The following FHIP2B variants were observed in gnomAD, a reference collection of about 807,000 sequenced individuals.
FHIP2B encodes the protein FHF complex subunit HOOK-interacting protein 2B.
FHIP2B carries 72 observed loss-of-function variants against 84.0 expected under a neutral mutation model. The observed-to-expected ratio is 0.86, with a 90% CI of 0.71 to 1.04. FHIP2B has a LOEUF of 1.04. Among genes scored for constraint, FHIP2B ranks in the 50% least tolerant of loss-of-function variants. The pLI is 0.00. For missense variants in FHIP2B, 972 were observed against 968.9 expected, an observed-to-expected ratio of 1.00 and a Z score of -0.04; for synonymous variants, 497 against 418.7, an observed-to-expected ratio of 1.19 and a Z score of -2.28.
At chr8:22,090,418 G>A (rs1300793428) in intron 1 of FHIP2B, among the ~76,000 whole-genome samples, 1 of 152,166 alleles carries the variant, frequency 6.6e-6, no homozygotes, top group South Asian at 2.1e-4. Context: ...TCCCAGCCCT[G>A]CTGTTGACCC....
At chr8:22,098,816 A>G in intron 7 of FHIP2B, 132 bp from the exon 8 acceptor site, 1 of 959,160 alleles carries the variant, frequency 1.0e-6, no homozygotes, top group South Asian at 1.6e-5. Flanking sequence ...TGTCCATAAA[A>G]CCCCCAAGAT....
chr8:22,102,901 C>A lies in FHIP2B; in HGVS notation c.2202C>A (p.Asn734Lys). The change falls in exon 17 of 17, where the codon AAC becomes AAA. Residue 734 changes from asparagine (N) to lysine (K), a missense_variant. Transcript: ENST00000289921. The part of the protein sequence containing the change: ...VKFPPHDPRQ[N>K]VSPAPEGQV ...TTCCCCCACATGATCCTCGCCAGAA[C>A]GTCTCCCCAGCCCCGGAAGGGCAGG... 6.2e-7 allele frequency: 1 copy of A among 1,613,674 alleles called. No homozygotes were observed. The highest frequency in any genetic ancestry group is 2.2e-5 in the East Asian group (1 of 44,880).
intron 10 of FHIP2B, 192 bp downstream of exon 10, chr8:22,100,085 G>C: frequency 1.8e-6 from 1 of 562,934 alleles, no homozygotes; most frequent in Non-Finnish European, 2.9e-6. Flanking sequence ...TTTTTTTAAA[G>C]AGACAGGGTA....
At chr8:22,097,325 A>G (rs1825825681) in intron 3 of FHIP2B, among the ~76,000 whole-genome samples, 191 bp from the exon 4 acceptor site, 1 of 149,708 alleles carries the variant, frequency 6.7e-6, no homozygotes, top group Non-Finnish European at 1.5e-5. Context: ...TGGCCTCAGT[A>G]CCCCCCAGGC....
At chr8:22,091,036 T>C (rs887486072) in intron 1 of FHIP2B, among the ~76,000 whole-genome samples, 2 of 152,130 alleles carry the variant, frequency 1.3e-5, no homozygotes, top group African/African-American at 4.8e-5. Context: ...GTATTGACCA[T>C]ATAGGCTATG....
At chr8:22,098,751 A>G in intron 7 of FHIP2B, 132 bp downstream of exon 7, 2 of 1,070,804 alleles carry the variant, frequency 1.9e-6, no homozygotes, top group Non-Finnish European at 2.6e-6. Flanking sequence ...CCAAGGCTGC[A>G]GCTGATCCCC....
In FHIP2B at chr8:22,097,853, T is replaced by C; in HGVS notation, c.525+14T>C. 6.2e-7 allele frequency: 1 copy of C among 1,610,882 alleles called. No homozygotes were observed. Among genetic ancestry groups the C allele is most frequent in the Non-Finnish European group, 8.5e-7 (1 of 1,178,154 alleles). ...TACATCCTGGAAGTGAGCACTCTGA[T>C]CGGGAACAGGAGGGGGAGGGCCCAG... is the stretch of plus-strand genomic sequence containing the variant. On this transcript the variant is annotated intron_variant, in intron 5 of 16. Transcript: ENST00000289921.
Position 22,098,960 on chromosome 8 carries a change from C to T in FHIP2B, c.978C>T (p.Ala326=). The change falls in exon 8 of 17, where the codon GCC becomes GCT. Residue 326 remains alanine (A), a synonymous_variant. Transcript: ENST00000289921. The part of the protein sequence containing the change: ...LEGISWRLPS[A]PSDEASFPGK... ...CCTCTTCCTTCAGGTTACCCAGTGC[C>T]CCGTCTGATGAGGCTTCCTTCCCTG... The T allele has an allele frequency of 2.5e-6, 4 of 1,605,160 alleles. No individual in the cohort carries two copies. The highest frequency in any genetic ancestry group is 3.4e-6 in the Non-Finnish European group (4 of 1,175,432).
rs1033446870 is a variant in FHIP2B, at chr8:22,104,197, A to G, written c.*1266A>G. The G allele has an allele frequency of 1.3e-5, 2 of 152,392 alleles. No individual in the cohort carries two copies. Among genetic ancestry groups the G allele is most frequent in the Non-Finnish European group, 2.9e-5 (2 of 68,028 alleles). The allele number at this position is 152,392 out of a possible 1,614,324, so 9.4% of individuals were successfully genotyped here. ...AAGAGCACCGTGCACATGTGGGTGC[A>G]CAAACGTGGGTGTTGGTGTGGACGG... is the stretch of plus-strand genomic sequence containing the variant. On this transcript the variant is annotated 3_prime_UTR_variant, in exon 17 of 17. Transcript: ENST00000289921.
intron 1 of FHIP2B, among the ~76,000 whole-genome samples, chr8:22,093,854 A>G (rs1586317655): frequency 6.6e-6 from 1 of 151,270 alleles, no homozygotes; most frequent in East Asian, 1.9e-4. Flanking sequence ...AGTAGCTGGG[A>G]CTATAGGCAG....
At chr8:22,100,289 G>T in intron 10 of FHIP2B, 1 of 390,506 alleles carries the variant, frequency 2.6e-6, no homozygotes, top group Non-Finnish European at 4.5e-6. Context: ...AGGCTAACAC[G>T]TACTACTTCG....
At position 22,102,856 on chromosome 8, in the gene FHIP2B, T is replaced by A; in HGVS notation, c.2157T>A (p.Ala719=). Residue 719 remains alanine (A), a synonymous_variant, in exon 17 of 17, where the codon GCT becomes GCA. Transcript: ENST00000289921. The part of the protein sequence containing the change: ...VVLEEFCKEL[A]AIAFVKFPPH... Reference sequence around the variant, plus strand: ...TGGAGGAGTTCTGCAAGGAGCTGGCTGCCATTGCCTTCGTCAAGTTTCCCC... The same window carrying A: ...TGGAGGAGTTCTGCAAGGAGCTGGCAGCCATTGCCTTCGTCAAGTTTCCCC... The A allele has an allele frequency of 3.7e-6, 6 of 1,613,738 alleles. No individual in the cohort carries two copies. The highest frequency in any genetic ancestry group is 5.1e-6 in the Non-Finnish European group (6 of 1,179,838).
chr8:22,102,151 G>T, intron 14 of FHIP2B, 24 bp from the exon 15 acceptor site: 10 of 1,613,106 alleles, frequency 6.2e-6, no homozygotes, highest in Non-Finnish European at 8.5e-6. Flanking sequence ...CCAGCCCTCG[G>T]CTCTGTCCAC....
Position 22,096,638 on chromosome 8 carries a change from G to C in FHIP2B, c.297+129G>C. On this transcript the variant is annotated intron_variant, in intron 3 of 16. Transcript: ENST00000289921. ...GGAGACCCTCTGAGTGCTGGGCCAG[G>C]CTGAGGTGGGCGGTGGGCAGTGGGC... 3.8e-6 allele frequency: 5 copies of C among 1,323,830 alleles called. 1 individual carries two copies. The South Asian group carries it at 5.1e-5, about 14-fold the overall frequency. 82.0% of individuals were successfully genotyped at this position (1,323,830 alleles called of 1,614,324 possible).
At chr8:22,101,079 A>G in intron 12 of FHIP2B, 107 bp downstream of exon 12, 1 of 1,404,796 alleles carries the variant, frequency 7.1e-7, no homozygotes. Context: ...GCAGTGGTAC[A>G]ATCTCGGCTC....
chr8:22,104,148 GC>G lies in FHIP2B; in HGVS notation c.*1218del, dbSNP rs1563606585. Reference sequence around the variant, plus strand: ...CTCTGCCTCTCCCACATTCCTCCCCGCGGGGGAGGACCTCGCCGCTCTGAAG... The same window carrying G: ...CTCTGCCTCTCCCACATTCCTCCCCGGGGGGAGGACCTCGCCGCTCTGAAG... On this transcript the variant is annotated 3_prime_UTR_variant, in exon 17 of 17. Coordinates refer to ENST00000289921, the MANE Select transcript of FHIP2B (RefSeq NM_022749.7). The G allele has an allele frequency of 1.3e-5, 2 of 152,372 alleles. No homozygotes were observed. Among genetic ancestry groups the G allele is most frequent in the African/African-American group, 4.8e-5 (2 of 41,432 alleles). 9.4% of individuals were successfully genotyped at this position (152,372 alleles called of 1,614,324 possible).
In FHIP2B at chr8:22,098,945, C is replaced by A; in HGVS notation, c.966-3C>A. The A allele has an allele frequency of 1.9e-6, 3 of 1,598,732 alleles. No homozygotes were observed. The highest frequency in any genetic ancestry group is 2.6e-6 in the Non-Finnish European group (3 of 1,171,458). On this transcript the variant is annotated splice_polypyrimidine_tract_variant and splice_region_variant and intron_variant, in intron 7 of 16. Transcript: ENST00000289921. ...CTGAGACTTCACTCCCCTCTTCCTTCAGGTTACCCAGTGCCCCGTCTGATG... is the reference window on the plus strand; with the variant it reads ...CTGAGACTTCACTCCCCTCTTCCTTAAGGTTACCCAGTGCCCCGTCTGATG...
chr8:22,102,367 C>A, intron 15 of FHIP2B, 52 bp downstream of exon 15: 1 of 1,589,696 alleles, frequency 6.3e-7, no homozygotes, highest in Non-Finnish European at 8.6e-7. Flanking sequence ...GAGGGGACAT[C>A]AGGGAAAGGG....
At chr8:22,098,721 C>G in intron 7 of FHIP2B, 102 bp downstream of exon 7, 5 of 1,233,818 alleles carry the variant, frequency 4.1e-6, no homozygotes, top group Non-Finnish European at 5.5e-6. Context: ...TGCTAGGGAC[C>G]CCTGCTGGCC....
Sources: gnomAD v4.1 joint callset for allele counts (sites outside exome capture counted in the v4.1 genomes callset) on GRCh38, gnomAD v4.1.1 for gene constraint, MANE v1.5 for transcripts, NCBI Gene and HGNC (gene_info 2026-07-23, HGNC 2026-07-21) for gene names.